TOGARAM1: variants seen among roughly 807,000 people sequenced by gnomAD.
TOGARAM1 encodes TOG array regulator of axonemal microtubules protein 1.
A neutral mutation model predicts 166.6 loss-of-function variants in TOGARAM1; 100 were observed. The ratio of observed to expected loss-of-function variants is 0.60; its 90% CI spans 0.51 to 0.71. The LOEUF is 0.71. TOGARAM1 is among the 30% of genes least tolerant of loss of function. The probability of loss-of-function intolerance (pLI) is 0.00; values close to 1 mark genes in which losing one functional copy is unlikely to be tolerated. For synonymous variants in TOGARAM1, 758 were observed against 763.8 expected (o/e 0.99, Z 0.13); for missense variants, 2,029 against 2,102.7 (o/e 0.96, Z 0.69).
intron 1 of TOGARAM1, among the ~76,000 whole-genome samples, chr14:44,988,557 C>A (rs974643735): frequency 3.9e-5 from 6 of 152,146 alleles, no homozygotes; most frequent in African/African-American, 1.4e-4. Context: ...GTTAAAGAGA[C>A]AAAAACATAT....
intron 13 of TOGARAM1, among the ~76,000 whole-genome samples, chr14:45,046,149 C>CT (rs11423313): frequency 0.16 from 24,810 of 152,028 alleles, 3,696 homozygotes; most frequent in African/African-American, 0.4. Context: ...TAAGATAGAT[C>CT]TTAGCCTCAC....
chr14:45,005,871 T>G, intron 4 of TOGARAM1, 137 bp from the exon 5 acceptor site: 1 of 590,306 alleles, frequency 1.7e-6, no homozygotes. Flanking sequence ...GAGGCTTTAT[T>G]CAGCTTGTTC....
chr14:44,962,513 C>G lies in TOGARAM1; in HGVS notation c.92C>G (p.Pro31Arg). Residue 31 changes from proline (P) to arginine (R), a missense_variant, in exon 1 of 20, where the codon CCA becomes CGA. Physicochemically the swap from Pro to Arg is moderately radical, Grantham distance 103 (BLOSUM62 -2). Coordinates refer to ENST00000361462, the MANE Select transcript of TOGARAM1 (RefSeq NM_001308120.2). Reference sequence around the variant, plus strand: ...CAGAGCCGCAGTCGTCCTTCCGCCCCAGAGACCGATGATAGTCGAGTTGGG... The same window carrying G: ...CAGAGCCGCAGTCGTCCTTCCGCCCGAGAGACCGATGATAGTCGAGTTGGG... ...RLQSRSRPSAPETDDSRVGGI... is the reference protein window; with the variant it reads ...RLQSRSRPSARETDDSRVGGI... 1 of 1,613,308 alleles carries G rather than the reference C, an allele frequency of 6.2e-7. No individual in the cohort carries two copies. The highest frequency in any genetic ancestry group is 8.5e-7 in the Non-Finnish European group (1 of 1,179,858).
intron 1 of TOGARAM1, among the ~76,000 whole-genome samples, chr14:44,992,964 A>G (rs1052121311): frequency 1.1e-4 from 17 of 151,612 alleles, no homozygotes; most frequent in Non-Finnish European, 2.9e-5. Context: ...TTCAAATAGA[A>G]AGACTAAGAG....
chr14:44,991,142 G>C (rs183629504), intron 1 of TOGARAM1, among the ~76,000 whole-genome samples: 49 of 151,636 alleles, frequency 3.2e-4, no homozygotes, highest in Admixed American at 2.8e-3. Flanking sequence ...ATTTTTTGTA[G>C]AGATGGGGTC....
At chr14:45,005,923 C>G in intron 4 of TOGARAM1, 85 bp from the exon 5 acceptor site, 1 of 1,212,488 alleles carries the variant, frequency 8.2e-7, no homozygotes, top group Non-Finnish European at 1.1e-6. Flanking sequence ...TATTTTAAAA[C>G]ATTGTATTTT....
At position 44,964,132 on chromosome 14, in the gene TOGARAM1, G is replaced by A. The variant is rs757365921; in HGVS notation, c.1711G>A (p.Ala571Thr). Residue 571 changes from alanine to threonine, a missense_variant, in exon 1 of 20, where the codon GCC becomes ACC. Ala to Thr is a moderately conservative substitution (Grantham distance 58, BLOSUM62 0). Coordinates refer to ENST00000361462, the MANE Select transcript of TOGARAM1 (RefSeq NM_001308120.2). ...NGDGVMNAVQARLARKTLPRL... is the reference protein window; with the variant it reads ...NGDGVMNAVQTRLARKTLPRL... ...AGATGGAGTGATGAATGCTGTGCAG[G>A]CCAGATTGGCTAGGAAAACCTTACC... 2 of 1,614,186 alleles carry A rather than the reference G, an allele frequency of 1.2e-6. No homozygotes were observed. Among genetic ancestry groups the A allele is most frequent in the Non-Finnish European group, 1.7e-6 (2 of 1,180,026 alleles).
At chr14:45,069,884 G>A (rs961394575) in intron 18 of TOGARAM1, among the ~76,000 whole-genome samples, 7 of 151,990 alleles carry the variant, frequency 4.6e-5, no homozygotes, top group African/African-American at 1.7e-4. Flanking sequence ...AAACAAATTT[G>A]TATAAAAAGA....
Position 45,044,740 on chromosome 14 carries a change from A to G in TOGARAM1, c.4024A>G (p.Lys1342Glu). 5 of 1,614,066 alleles carry G rather than the reference A, an allele frequency of 3.1e-6. No individual in the cohort carries two copies. Among genetic ancestry groups the G allele is most frequent in the South Asian group, 1.1e-5 (1 of 91,082 alleles). ...SMDQELDTTV[K>E]VLLHKAGESN... Reference sequence around the variant, plus strand: ...GGATCAAGAGCTAGATACCACAGTAAAAGTTTTGTTGCACAAGGCTGGTGA... The same window carrying G: ...GGATCAAGAGCTAGATACCACAGTAGAAGTTTTGTTGCACAAGGCTGGTGA... Residue 1342 changes from lysine to glutamate, a missense_variant, in exon 13 of 20, where the codon AAA (lysine) becomes GAA (glutamate). Transcript: ENST00000361462.
intron 1 of TOGARAM1, among the ~76,000 whole-genome samples, chr14:44,987,125 G>T (rs1307771005): frequency 2.6e-5 from 4 of 151,704 alleles, no homozygotes; most frequent in Admixed American, 2.6e-4. Flanking sequence ...TGTATTTTTA[G>T]TAGAGACGGG....
At chr14:44,993,903 G>A (rs750555239) in intron 1 of TOGARAM1, among the ~76,000 whole-genome samples, 2 of 152,074 alleles carry the variant, frequency 1.3e-5, no homozygotes, top group Non-Finnish European at 2.9e-5. Context: ...AACATAAAAT[G>A]TATTCCATAC....
At chr14:45,028,050 G>A (rs1880957779) in intron 9 of TOGARAM1, 126 bp from the exon 10 acceptor site, 1 of 687,874 alleles carries the variant, frequency 1.5e-6, no homozygotes, top group African/African-American at 1.8e-5. Flanking sequence ...GGTATATTCT[G>A]TTTTCTAGGA....
intron 6 of TOGARAM1, among the ~76,000 whole-genome samples, chr14:45,009,461 T>C (rs776842013): frequency 6.6e-6 from 1 of 152,204 alleles, no homozygotes; most frequent in Non-Finnish European, 1.5e-5. Context: ...CTTTTCTGGA[T>C]TATTGACTCC....
rs116907253 is a variant in TOGARAM1, at chr14:44,985,560, T to C, written c.2047-10186T>C. ...GATTCCTTGCATATGCAGTTCACAA[T>C]AGGGTTTGTGCTCCTATGAGAATCT... On this transcript the variant is annotated intron_variant, in intron 1 of 19. Transcript: ENST00000361462. Among the ~76,000 whole-genome samples, 78 of 152,274 alleles carry C rather than the reference T, an allele frequency of 5.1e-4. No individual in the cohort carries two copies. In the East Asian group the frequency reaches 0.013, roughly 26 times the overall value.
chr14:44,986,929 C>T (rs1047140290), intron 1 of TOGARAM1, among the ~76,000 whole-genome samples: 1 of 150,228 alleles, frequency 6.7e-6, no homozygotes, highest in Non-Finnish European at 1.5e-5. Context: ...TGGTGTGAAC[C>T]CAGGAGGCGA....
At chr14:45,064,354 C>T (rs1007052601) in intron 16 of TOGARAM1, among the ~76,000 whole-genome samples, 1 of 151,832 alleles carries the variant, frequency 6.6e-6, no homozygotes, top group Non-Finnish European at 1.5e-5. Context: ...CTGGTGTTGA[C>T]TCCTGGGCTC....
chr14:44,963,847 C>T lies in TOGARAM1; in HGVS notation c.1426C>T (p.Leu476=), dbSNP rs751356950. The change falls in exon 1 of 20, where the codon CTG becomes TTG. Residue 476 remains leucine, a synonymous_variant. Transcript: ENST00000361462. ...ACCTCAGCAGGTGCTTTGTTTACTC[C>T]TGGAACATCTCAAACATAAGCATTC... ...VGPQQVLCLL[L]EHLKHKHSRV... The T allele has an allele frequency of 1.2e-6, 2 of 1,614,168 alleles. No homozygotes were observed. The highest frequency in any genetic ancestry group is 1.7e-6 in the Non-Finnish European group (2 of 1,180,008).
intron 14 of TOGARAM1, among the ~76,000 whole-genome samples, chr14:45,047,297 C>A (rs1882115435): frequency 6.6e-6 from 1 of 150,950 alleles, no homozygotes; most frequent in African/African-American, 2.5e-5. Context: ...GAGGCTGAGG[C>A]AGGAGAATCG....
At chr14:45,026,808 G>C (rs1880869219) in intron 8 of TOGARAM1, among the ~76,000 whole-genome samples, 2 of 148,340 alleles carry the variant, frequency 1.3e-5, no homozygotes. Flanking sequence ...GACCAGCCTG[G>C]ACAACATGGC....
Sources: gnomAD v4.1 joint callset for allele counts (sites outside exome capture counted in the v4.1 genomes callset) on GRCh38, gnomAD v4.1.1 for gene constraint, MANE v1.5 for transcripts, NCBI Gene and HGNC (gene_info 2026-07-23, HGNC 2026-07-21) for gene names.